The following MDGA2 variants were observed in gnomAD, a reference collection of about 807,000 sequenced individuals.
MDGA2 encodes MAM domain-containing glycosylphosphatidylinositol anchor protein 2.
MDGA2 carries 40 observed loss-of-function variants against 117.8 expected under a neutral mutation model. The observed-to-expected ratio is 0.34, with a 90% CI of 0.26 to 0.44. The LOEUF (loss-of-function observed/expected upper bound fraction) is 0.44, where lower values mean the gene tolerates loss of function less well. Ranked by LOEUF, MDGA2 falls within the 20% of genes least tolerant of loss-of-function variation. The pLI is 1.00. For missense variants in MDGA2, 1,123 were observed against 1,250.6 expected, an observed-to-expected ratio of 0.90 and a Z score of 1.54; for synonymous variants, 452 against 439.0, an observed-to-expected ratio of 1.03 and a Z score of -0.37.
rs997326067 is a variant in MDGA2, at chr14:46,855,713, T to G, written c.2753-559A>C. On this transcript the variant is annotated intron_variant, in intron 14 of 16. Transcript: ENST00000399232. The surrounding 1 kb of genome is among the most constrained non-coding windows in gnomAD (Gnocchi z 4.1). ...TCTCCAGAATGATAAGCTAATAAAT[T>G]TGTGTTGTTTTAGATCATGAAGTTG... Among the ~76,000 whole-genome samples the G allele has an allele frequency of 1.3e-5, 2 of 152,094 alleles. No individual in the cohort carries two copies. The highest frequency in any genetic ancestry group is 2.9e-5 in the Non-Finnish European group (2 of 68,008).
chr14:46,859,846 T>C (rs1881437192), intron 14 of MDGA2, among the ~76,000 whole-genome samples: 1 of 152,114 alleles, frequency 6.6e-6, no homozygotes, highest in Non-Finnish European at 1.5e-5. Flanking sequence ...ACATATAATG[T>C]AGTATATAAA....
In MDGA2 at chr14:47,383,550, T is replaced by C. The variant is rs533554111; in HGVS notation, c.281-82000A>G. On this transcript the variant is annotated intron_variant, in intron 1 of 16. Transcript: ENST00000399232. ...ACTCATTAGAATTTCTTGAATTTCTTTTTTTCGAGACAGGGTCTCACTTTC... is the reference window on the plus strand; with the variant it reads ...ACTCATTAGAATTTCTTGAATTTCTCTTTTTCGAGACAGGGTCTCACTTTC... Among the ~76,000 whole-genome samples the C allele has an allele frequency of 6.6e-5, 10 of 152,262 alleles. No individual in the cohort carries two copies. The East Asian group carries it at 1.5e-3, about 24-fold the overall frequency.
At chr14:46,912,630 G>T (rs1883750415) in intron 10 of MDGA2, among the ~76,000 whole-genome samples, 1 of 152,110 alleles carries the variant, frequency 6.6e-6, no homozygotes, top group Admixed American at 6.6e-5. Context: ...CTTTGAGGTT[G>T]CTTGTTTCCT....
intron 1 of MDGA2, among the ~76,000 whole-genome samples, chr14:47,584,705 C>A (rs1035272139): frequency 6.6e-6 from 1 of 151,734 alleles, no homozygotes. Context: ...TTGTGAATAT[C>A]CAATCTTCAG....
chr14:46,978,782 G>T (rs1886562450), intron 8 of MDGA2, among the ~76,000 whole-genome samples: 1 of 152,030 alleles, frequency 6.6e-6, no homozygotes, highest in South Asian at 2.1e-4. Context: ...ACTCAGAGAG[G>T]CAAGATAATA....
At chr14:47,004,739 T>C (rs942970046) in intron 8 of MDGA2, among the ~76,000 whole-genome samples, 1 of 151,766 alleles carries the variant, frequency 6.6e-6, no homozygotes, top group Non-Finnish European at 1.5e-5. Context: ...TAGGTCTTTG[T>C]TAATGTTTTT....
chr14:47,364,712 A>C (rs755771416), intron 1 of MDGA2, among the ~76,000 whole-genome samples: 4 of 152,268 alleles, frequency 2.6e-5, no homozygotes, highest in Non-Finnish European at 5.9e-5. Context: ...ATGTTTAAAC[A>C]ACAAACTAAA....
At chr14:46,982,493 G>A (rs983220337) in intron 8 of MDGA2, among the ~76,000 whole-genome samples, 5 of 151,572 alleles carry the variant, frequency 3.3e-5, no homozygotes, top group African/African-American at 9.7e-5. Context: ...GGCAGATCAC[G>A]AGGTCAGGAG....
rs968882523 is a variant in MDGA2 at position 46,922,769 on chromosome 14, T to A, written c.2090-2609A>T. On this transcript the variant is annotated intron_variant, in intron 9 of 16. Transcript: ENST00000399232. ...GATGTAAAAACTTATCCTAAAGTCA[T>A]AAGAAACATCTCTTTGGTCTTCTTC... 2.6e-5 allele frequency among the ~76,000 whole-genome samples: 4 copies of A among 152,190 alleles called. 1 individual carries two copies. Among genetic ancestry groups the A allele is most frequent in the African/African-American group, 7.2e-5 (3 of 41,452 alleles).
At chr14:47,029,388 A>T (rs1392089763) in intron 8 of MDGA2, among the ~76,000 whole-genome samples, 2 of 152,166 alleles carry the variant, frequency 1.3e-5, no homozygotes, top group Non-Finnish European at 2.9e-5. Context: ...GAAAATACAA[A>T]TTATAAGGGG....
intron 3 of MDGA2, among the ~76,000 whole-genome samples, chr14:47,176,004 T>C (rs941828114): frequency 3.3e-5 from 5 of 152,062 alleles, no homozygotes; most frequent in African/African-American, 4.8e-5. Context: ...TATACACCAA[T>C]AACAGATGAA....
chr14:47,337,823 T>C (rs1266871469), intron 1 of MDGA2, among the ~76,000 whole-genome samples: 1 of 152,092 alleles, frequency 6.6e-6, no homozygotes, highest in Non-Finnish European at 1.5e-5. Context: ...TGTTAATGTA[T>C]GTTTACATTA....
At chr14:47,090,945 T>C (rs937304299) in intron 6 of MDGA2, among the ~76,000 whole-genome samples, 19 of 152,126 alleles carry the variant, frequency 1.2e-4, no homozygotes, top group African/African-American at 4.6e-4. Context: ...TGCAATTATA[T>C]GGGATACCCT....
chr14:47,130,831 G>C (rs1175610253), intron 5 of MDGA2, among the ~76,000 whole-genome samples: 1 of 152,072 alleles, frequency 6.6e-6, no homozygotes, highest in Admixed American at 6.6e-5. Context: ...CACACTTTTA[G>C]AGATTTTTGT....
intron 5 of MDGA2, among the ~76,000 whole-genome samples, chr14:47,114,952 A>G (rs1881242136): frequency 8.8e-6 from 1 of 113,228 alleles, no homozygotes; most frequent in African/African-American, 4.1e-5. Flanking sequence ...GCTTCTGCAC[A>G]GCCAAAAAAA....
intron 1 of MDGA2, among the ~76,000 whole-genome samples, chr14:47,510,102 T>C (rs1894607750): frequency 6.6e-6 from 1 of 152,134 alleles, no homozygotes; most frequent in Non-Finnish European, 1.5e-5. Context: ...GAGGTGGGAC[T>C]TTGGGAGGTG....
intron 2 of MDGA2, among the ~76,000 whole-genome samples, chr14:47,239,651 T>A (rs1594746726): frequency 6.6e-6 from 1 of 151,888 alleles, no homozygotes; most frequent in East Asian, 1.9e-4. Flanking sequence ...GCTATTTTAC[T>A]ATTACATTTC....
intron 1 of MDGA2, among the ~76,000 whole-genome samples, chr14:47,407,080 T>A (rs760838220): frequency 2.6e-5 from 4 of 152,108 alleles, no homozygotes; most frequent in Non-Finnish European, 5.9e-5. Flanking sequence ...TTCCAGTTTC[T>A]TCTAAGGTTG....
At chr14:47,079,200 C>T (rs934053755) in intron 6 of MDGA2, among the ~76,000 whole-genome samples, 9 of 146,444 alleles carry the variant, frequency 6.1e-5, no homozygotes, top group Admixed American at 1.4e-4. Context: ...TTTAGTCATC[C>T]AAAGAAGGCA....
Sources: gnomAD v4.1 joint callset for allele counts (sites outside exome capture counted in the v4.1 genomes callset) on GRCh38, gnomAD v4.1.1 for gene constraint, Gnocchi (gnomAD v3.1) non-coding constraint, MANE v1.5 for transcripts, NCBI Gene and HGNC (gene_info 2026-07-23, HGNC 2026-07-21) for gene names.